The following EBAG9 variants were observed in gnomAD, a reference collection of about 807,000 sequenced individuals.
EBAG9 encodes the protein estrogen receptor binding site associated antigen 9.
EBAG9 carries 16 observed loss-of-function variants against 30.9 expected under a neutral mutation model. The ratio of observed to expected loss-of-function variants is 0.52; its 90% CI spans 0.35 to 0.79. EBAG9 has a LOEUF of 0.79. Among genes scored for constraint, EBAG9 ranks in the 30% least tolerant of loss-of-function variants. The pLI is 0.01. For synonymous variants in EBAG9, 93 were observed against 82.8 expected (o/e 1.12, Z -0.67); for missense variants, 197 against 242.1 (o/e 0.81, Z 1.24).
intron 1 of EBAG9, among the ~76,000 whole-genome samples, chr8:109,549,189 T>C (rs529525982): frequency 6.6e-6 from 1 of 152,076 alleles, no homozygotes; most frequent in South Asian, 2.1e-4. Context: ...AGTTTGCTAA[T>C]ATAGTGAATG....
rs771799878 is a variant in EBAG9, at chr8:109,554,750, T to C, written c.184T>C (p.Ser62Pro). The C allele has an allele frequency of 5.0e-6, 8 of 1,613,236 alleles. No individual in the cohort carries two copies. The highest frequency in any genetic ancestry group is 6.8e-6 in the Non-Finnish European group (8 of 1,179,574). Residue 62 changes from serine (S) to proline (P), a missense_variant, in exon 4 of 7, where the codon TCC becomes CCC. Physicochemically the swap from Ser to Pro is moderately conservative, Grantham distance 74 (BLOSUM62 -1). Coordinates refer to ENST00000337573, the MANE Select transcript of EBAG9 (RefSeq NM_004215.5). ...TTAGACAGATGTTGAAGAGTGGACT[T>C]CCTGGGATGAAGATGCACCCACCAG... is the stretch of plus-strand genomic sequence containing the variant. ...PKQTDVEEWT[S>P]WDEDAPTSVK...
In EBAG9 at chr8:109,556,979, T is replaced by G. The variant is rs372276656; in HGVS notation, c.366T>G (p.Asp122Glu). The G allele has an allele frequency of 1.8e-4, 290 of 1,605,018 alleles. 1 individual carries two copies. Among genetic ancestry groups the G allele is most frequent in the South Asian group, 8.7e-4 (78 of 89,794 alleles). Reference sequence around the variant, plus strand: ...AACCATTGAATTTTGGCATCCCAGATGGGAGCACAGGTTTCTCTAGTAGAT... The same window carrying G: ...AACCATTGAATTTTGGCATCCCAGAGGGGAGCACAGGTTTCTCTAGTAGAT... ...KREPLNFGIP[D>E]GSTGFSSRLA... is the part of the protein sequence containing the mutation. Residue 122 changes from aspartate to glutamate, a missense_variant, in exon 5 of 7, where the codon GAT (aspartate) becomes GAG (glutamate). Transcript: ENST00000337573.
chr8:109,562,903 C>T (rs1220407914), intron 6 of EBAG9, among the ~76,000 whole-genome samples: 10 of 151,950 alleles, frequency 6.6e-5, no homozygotes, highest in Middle Eastern at 3.4e-3. Context: ...TTTCAGATTT[C>T]GGATTTTTGT....
At chr8:109,547,630 G>A (rs1367566961) in intron 1 of EBAG9, among the ~76,000 whole-genome samples, 20 of 151,948 alleles carry the variant, frequency 1.3e-4, no homozygotes, top group African/African-American at 4.3e-4. Context: ...ACAGGTGCCC[G>A]CGACCATGCC....
chr8:109,552,071 G>C (rs1025373098), intron 2 of EBAG9, among the ~76,000 whole-genome samples: 1 of 151,938 alleles, frequency 6.6e-6, no homozygotes, highest in Non-Finnish European at 1.5e-5. Context: ...ACAGCAATCA[G>C]CTCTTTTTTT....
rs1252721299 is a variant in EBAG9, at chr8:109,554,664, A to G, written c.163-65A>G. The stretch of plus-strand genomic sequence containing the variant: ...TTTAGAAAGCCCATTTTTCTAATAA[A>G]TCATCAATGATGTGTTCATTAAGTT... On this transcript the variant is annotated intron_variant, in intron 3 of 6. Transcript: ENST00000337573. The G allele has an allele frequency of 7.4e-6, 11 of 1,488,706 alleles. No individual in the cohort carries two copies. The East Asian group carries it at 9.1e-5, about 12-fold the overall frequency. The allele number at this position is 1,488,706 out of a possible 1,614,324, so 92.2% of individuals were successfully genotyped here.
Position 109,554,823 on chromosome 8 carries a change from C to T in EBAG9, c.257C>T (p.Ser86Phe). The T allele has an allele frequency of 6.2e-7, 1 of 1,613,748 alleles. No homozygotes were observed. Among genetic ancestry groups the T allele is most frequent in the African/African-American group, 1.3e-5 (1 of 75,006 alleles). ...GNGNVATQQN[S>F]LEQLEPDYFK... ...GGGAATGTGGCAACACAACAAAATT[C>T]TTTGGAACAACTGGAACCTGACTAT... Residue 86 changes from serine (S) to phenylalanine (F), a missense_variant, in exon 4 of 7, where the codon TCT (serine) becomes TTT (phenylalanine). Physicochemically the swap from Ser to Phe is radical, Grantham distance 155. Coordinates refer to ENST00000337573, the MANE Select transcript of EBAG9 (RefSeq NM_004215.5).
intron 1 of EBAG9, among the ~76,000 whole-genome samples, chr8:109,548,464 T>C (rs953604847): frequency 6.6e-6 from 1 of 152,178 alleles, no homozygotes; most frequent in Admixed American, 6.5e-5. Flanking sequence ...TTGGCTGTTA[T>C]ATACGTTCTT....
In EBAG9 at chr8:109,557,000, T is replaced by C. The variant is rs745612010; in HGVS notation, c.387T>C (p.Ser129=). 3 of 1,608,306 alleles carry C rather than the reference T, an allele frequency of 1.9e-6. No homozygotes were observed. The highest frequency in any genetic ancestry group is 2.2e-5 in the South Asian group (2 of 90,470). The change falls in exon 5 of 7, where the codon AGT becomes AGC. Residue 129 remains serine (S), a synonymous_variant. Transcript: ENST00000337573. ...CAGATGGGAGCACAGGTTTCTCTAG[T>C]AGATTAGCAGCTACACAAGATCTGC... is the stretch of plus-strand genomic sequence containing the variant. The part of the protein sequence containing the change: ...GIPDGSTGFS[S]RLAATQDLPF...
At chr8:109,551,838 T>C (rs1821500927) in intron 2 of EBAG9, among the ~76,000 whole-genome samples, 1 of 152,136 alleles carries the variant, frequency 6.6e-6, no homozygotes, top group Admixed American at 6.5e-5. Flanking sequence ...ACAAATTTCA[T>C]TAATAAGTTC....
At chr8:109,560,386 G>C (rs1402661490) in intron 5 of EBAG9, among the ~76,000 whole-genome samples, 2 of 152,204 alleles carry the variant, frequency 1.3e-5, no homozygotes, top group Non-Finnish European at 2.9e-5. Context: ...AAGAATGACT[G>C]TGCTAGTTTT....
At chr8:109,557,548 C>T (rs1338757655) in intron 5 of EBAG9, among the ~76,000 whole-genome samples, 1 of 152,102 alleles carries the variant, frequency 6.6e-6, no homozygotes, top group East Asian at 1.9e-4. Flanking sequence ...TGTCCAGACC[C>T]CTCCCTACCT....
At chr8:109,556,684 G>A (rs1391084377) in intron 4 of EBAG9, among the ~76,000 whole-genome samples, 1 of 151,932 alleles carries the variant, frequency 6.6e-6, no homozygotes, top group Non-Finnish European at 1.5e-5. Context: ...TGAGGTCTGG[G>A]GAAAGTAGGA....
chr8:109,556,301 A>G (rs1821596874), intron 4 of EBAG9, among the ~76,000 whole-genome samples: 1 of 152,032 alleles, frequency 6.6e-6, no homozygotes, highest in South Asian at 2.1e-4. Context: ...TACATTGTCT[A>G]GGTTGATAAC....
chr8:109,546,264 G>T (rs1223506789), intron 1 of EBAG9, among the ~76,000 whole-genome samples: 1 of 152,190 alleles, frequency 6.6e-6, no homozygotes, highest in African/African-American at 2.4e-5. Context: ...ATGTCTTCGT[G>T]TAGATTGTTT....
At chr8:109,558,764 A>G (rs760317021) in intron 5 of EBAG9, among the ~76,000 whole-genome samples, 3 of 152,200 alleles carry the variant, frequency 2.0e-5, no homozygotes, top group Non-Finnish European at 2.9e-5. Context: ...CATTCTACAA[A>G]TTAGATTCTT....
intron 1 of EBAG9, among the ~76,000 whole-genome samples, chr8:109,549,277 A>G (rs937528998): frequency 3.9e-5 from 6 of 151,968 alleles, no homozygotes; most frequent in Admixed American, 2.6e-4. Context: ...GTATCCATTT[A>G]TATATTGTTG....
chr8:109,552,515 A>G (rs903932114), intron 2 of EBAG9, among the ~76,000 whole-genome samples: 2 of 152,228 alleles, frequency 1.3e-5, no homozygotes, highest in African/African-American at 4.8e-5. Flanking sequence ...AATTGCCAGA[A>G]GGCAGGAAGT....
intron 3 of EBAG9, 135 bp from the exon 4 acceptor site, chr8:109,554,594 A>C (rs1821558379): frequency 1.4e-6 from 1 of 731,018 alleles, no homozygotes; most frequent in African/African-American, 1.8e-5. Context: ...CTGTGATATG[A>C]AATGTATGTT....
Sources: allele counts gnomAD v4.1 joint callset (sites outside exome capture counted in the v4.1 genomes callset), GRCh38; gene constraint gnomAD v4.1.1; transcripts MANE v1.5; gene names NCBI Gene and HGNC (gene_info 2026-07-23, HGNC 2026-07-21).